Variants in KLHL1 observed in about 807,000 individuals in gnomAD.
KLHL1 encodes kelch like family member 1, also known as kelch-like protein 1.
A neutral mutation model predicts 77.7 loss-of-function variants in KLHL1; 47 were observed. The observed-to-expected ratio is 0.60, with a 90% CI of 0.48 to 0.77. The LOEUF (loss-of-function observed/expected upper bound fraction) is 0.77, where lower values mean the gene tolerates loss of function less well. Ranked by LOEUF, KLHL1 falls within the 30% of genes least tolerant of loss-of-function variation. The pLI, the probability that KLHL1 is intolerant of heterozygous loss-of-function variation, is 0.00. For synonymous variants in KLHL1, 360 were observed against 325.2 expected (o/e 1.11, Z -1.15); for missense variants, 925 against 910.8 (o/e 1.02, Z -0.20).
chr13:69,886,686 ATT>A (rs1354677869), intron 4 of KLHL1, among the ~76,000 whole-genome samples: 1 of 152,074 alleles, frequency 6.6e-6, no homozygotes, highest in African/African-American at 2.4e-5. Flanking sequence ...AGTAACTTTA[ATT>A]TTGTTTACTT....
chr13:69,851,602 C>A (rs1204410510), intron 5 of KLHL1, among the ~76,000 whole-genome samples: 4 of 151,796 alleles, frequency 2.6e-5, no homozygotes, highest in African/African-American at 9.7e-5. Flanking sequence ...TGCATCAATA[C>A]AATTAATCTT....
chr13:69,841,821 GTA>G (rs1879272723), intron 5 of KLHL1, among the ~76,000 whole-genome samples: 1 of 151,642 alleles, frequency 6.6e-6, no homozygotes, highest in East Asian at 1.9e-4. Flanking sequence ...AAGCAGCACG[GTA>G]TTTCTCTAAA....
intron 9 of KLHL1, among the ~76,000 whole-genome samples, chr13:69,717,273 C>T (rs1160348761): frequency 6.6e-6 from 1 of 152,196 alleles, no homozygotes; most frequent in South Asian, 2.1e-4. Context: ...TACTACAGAA[C>T]ATTTTTACAG....
intron 7 of KLHL1, among the ~76,000 whole-genome samples, chr13:69,746,976 CT>C: frequency 6.6e-6 from 1 of 152,154 alleles, no homozygotes; most frequent in East Asian, 1.9e-4. Context: ...GTAGCCAGCC[CT>C]AGCTGCCAGA....
intron 6 of KLHL1, among the ~76,000 whole-genome samples, chr13:69,831,957 T>A (rs1459936022): frequency 6.7e-6 from 1 of 149,970 alleles, no homozygotes; most frequent in Non-Finnish European, 1.5e-5. Flanking sequence ...TTTAAGATAA[T>A]AAAAGCCATC....
At chr13:70,028,053 G>A (rs1474365344) in intron 1 of KLHL1, among the ~76,000 whole-genome samples, 6 of 152,142 alleles carry the variant, frequency 3.9e-5, no homozygotes, top group African/African-American at 1.4e-4. Flanking sequence ...GCAGAAGGTA[G>A]TACAAGGTGT....
intron 1 of KLHL1, among the ~76,000 whole-genome samples, chr13:69,994,215 G>A (rs1002261899): frequency 6.6e-6 from 1 of 152,086 alleles, no homozygotes; most frequent in African/African-American, 2.4e-5. Context: ...CATAATGCCT[G>A]TTTACTACAC....
chr13:69,965,769 C>T (rs1050498499), intron 2 of KLHL1, among the ~76,000 whole-genome samples: 1 of 152,088 alleles, frequency 6.6e-6, no homozygotes, highest in African/African-American at 2.4e-5. Context: ...TAAGAAAGCA[C>T]AACAGACTTA....
intron 6 of KLHL1, among the ~76,000 whole-genome samples, chr13:69,829,287 T>C (rs1345442830): frequency 6.7e-6 from 1 of 149,776 alleles, no homozygotes; most frequent in Non-Finnish European, 1.5e-5. Context: ...CACTCCCCAG[T>C]ACCACCCCAG....
intron 5 of KLHL1, among the ~76,000 whole-genome samples, chr13:69,880,993 A>G (rs931140270): frequency 6.6e-6 from 1 of 152,150 alleles, no homozygotes; most frequent in Non-Finnish European, 1.5e-5. Flanking sequence ...CCAAACTCTA[A>G]TAGATACTAC....
chr13:69,767,029 A>G (rs1306947127), intron 7 of KLHL1, among the ~76,000 whole-genome samples: 1 of 152,224 alleles, frequency 6.6e-6, no homozygotes, highest in Non-Finnish European at 1.5e-5. Context: ...CAAAGTAGCA[A>G]TTGGTATTTT....
intron 7 of KLHL1, among the ~76,000 whole-genome samples, chr13:69,752,592 A>C (rs529052163): frequency 1.3e-5 from 2 of 152,294 alleles, no homozygotes; most frequent in East Asian, 3.9e-4. Context: ...TGTAGCTAAG[A>C]GTTGTTTTCT....
At chr13:70,008,345 T>C (rs560793614) in intron 1 of KLHL1, among the ~76,000 whole-genome samples, 1 of 152,050 alleles carries the variant, frequency 6.6e-6, no homozygotes, top group South Asian at 2.1e-4. Context: ...TTGTGCCTCA[T>C]AGCTTGATTT....
intron 1 of KLHL1, among the ~76,000 whole-genome samples, chr13:70,016,421 C>A (rs939704832): frequency 8.5e-5 from 13 of 152,226 alleles, no homozygotes; most frequent in Non-Finnish European, 1.2e-4. Context: ...AGGAAGACCC[C>A]CTGTCCCCGT....
At chr13:69,958,487 T>C (rs1883962193) in intron 3 of KLHL1, among the ~76,000 whole-genome samples, 1 of 151,876 alleles carries the variant, frequency 6.6e-6, no homozygotes, top group African/African-American at 2.4e-5. Context: ...ATCTCAAACA[T>C]TCATTCTAAG....
At chr13:70,090,238 C>T (rs1330154722) in intron 1 of KLHL1, among the ~76,000 whole-genome samples, 1 of 151,968 alleles carries the variant, frequency 6.6e-6, no homozygotes, top group East Asian at 1.9e-4. Context: ...ATTATAAAAG[C>T]AGAATGTGAC....
intron 4 of KLHL1, among the ~76,000 whole-genome samples, chr13:69,935,441 CAAAT>C (rs1883156327): frequency 6.6e-6 from 1 of 151,820 alleles, no homozygotes; most frequent in African/African-American, 2.4e-5. Context: ...ATAACAAAAA[CAAAT>C]ATATATTATA....
At chr13:69,797,885 C>G (rs1227764683) in intron 6 of KLHL1, among the ~76,000 whole-genome samples, 1 of 151,378 alleles carries the variant, frequency 6.6e-6, no homozygotes, top group Non-Finnish European at 1.5e-5. Context: ...AAATGATCTT[C>G]TATCCTGAAC....
intron 7 of KLHL1, among the ~76,000 whole-genome samples, chr13:69,773,924 A>G (rs906662411): frequency 6.6e-6 from 1 of 151,644 alleles, no homozygotes; most frequent in East Asian, 1.9e-4. Context: ...ATCTAATATA[A>G]TAAAATATCA....
Sources: allele counts gnomAD v4.1 joint callset (sites outside exome capture counted in the v4.1 genomes callset), GRCh38; gene constraint gnomAD v4.1.1; transcripts MANE v1.5; gene names NCBI Gene and HGNC (gene_info 2026-07-23, HGNC 2026-07-21).